LMOD1: variants seen among roughly 807,000 people sequenced by gnomAD.
The protein encoded by LMOD1 is leiomodin-1.
In LMOD1, 8 loss-of-function variants were observed where a neutral mutation model predicts 36.5. The ratio of observed to expected loss-of-function variants is 0.22; its 90% CI spans 0.13 to 0.40. The LOEUF is 0.40. Ranked by LOEUF, LMOD1 falls within the 10% of genes least tolerant of loss-of-function variation. The pLI, the probability that LMOD1 is intolerant of heterozygous loss-of-function variation, is 1.00. For synonymous variants in LMOD1, 284 were observed against 288.7 expected, an observed-to-expected ratio of 0.98 and a Z score of 0.17; for missense variants, 630 against 751.1, an observed-to-expected ratio of 0.84 and a Z score of 1.88.
At position 201,946,247 on chromosome 1, in the gene LMOD1, G is replaced by A. The variant is rs750510025; in HGVS notation, c.94C>T (p.Leu32=). ...TCCACCACGTCCAGCTCCTTCTCCA[G>A]CTCCTCCATCTCCTCGGGAGACAGG... ...ETLSPEEMEE[L]EKELDVVDPD... is the part of the protein sequence containing the mutation. The change falls in exon 1 of 3, where the codon CTG becomes TTG. Residue 32 remains leucine (L), a synonymous_variant. Transcript: ENST00000367288. 1.2e-6 allele frequency: 2 copies of A among 1,614,028 alleles called. No homozygotes were observed. Among genetic ancestry groups the A allele is most frequent in the Non-Finnish European group, 1.7e-6 (2 of 1,179,894 alleles).
At chr1:201,938,536 C>T (rs1033228513) in intron 1 of LMOD1, among the ~76,000 whole-genome samples, 1 of 152,178 alleles carries the variant, frequency 6.6e-6, no homozygotes, top group South Asian at 2.1e-4. Flanking sequence ...CCAGGTCTAG[C>T]TGGCCCCTGA....
At chr1:201,932,634 C>T (rs1340705424) in intron 1 of LMOD1, among the ~76,000 whole-genome samples, 1 of 151,942 alleles carries the variant, frequency 6.6e-6, no homozygotes, top group Non-Finnish European at 1.5e-5. Flanking sequence ...CACCTGTAGT[C>T]AGGAGGCTGA....
intron 1 of LMOD1, among the ~76,000 whole-genome samples, chr1:201,901,184 A>G (rs886418677): frequency 5.9e-5 from 9 of 152,088 alleles, no homozygotes; most frequent in African/African-American, 1.9e-4. Context: ...TTTATTGTGG[A>G]CTTTTTGCAT....
At chr1:201,929,590 A>G (rs910686963) in intron 1 of LMOD1, among the ~76,000 whole-genome samples, 1 of 152,246 alleles carries the variant, frequency 6.6e-6, no homozygotes, top group Admixed American at 6.5e-5. Flanking sequence ...TCACTGCCAA[A>G]TCTTTCTTCA....
intron 1 of LMOD1, among the ~76,000 whole-genome samples, chr1:201,924,178 G>C (rs1367460530): frequency 3.4e-5 from 5 of 148,852 alleles, no homozygotes; most frequent in African/African-American, 9.8e-5. Flanking sequence ...AAAAAAATTA[G>C]CCGGGAGCGG....
At chr1:201,926,923 C>T (rs940273856) in intron 1 of LMOD1, among the ~76,000 whole-genome samples, 1 of 152,076 alleles carries the variant, frequency 6.6e-6, no homozygotes, top group Admixed American at 6.5e-5. Flanking sequence ...CACCACTGCA[C>T]CCCAGCCTGG....
At chr1:201,900,826 G>A in intron 1 of LMOD1, 75 bp from the exon 2 acceptor site, 1 of 1,340,172 alleles carries the variant, frequency 7.5e-7, no homozygotes, top group African/African-American at 1.5e-5. Context: ...GGGATGTGTG[G>A]GGGAGCGCTT....
intron 1 of LMOD1, among the ~76,000 whole-genome samples, chr1:201,910,700 G>A (rs1198745748): frequency 6.7e-6 from 1 of 149,256 alleles, no homozygotes; most frequent in Non-Finnish European, 1.5e-5. Context: ...TACAGTTTCT[G>A]GGAGTCGGTG....
intron 1 of LMOD1, among the ~76,000 whole-genome samples, chr1:201,936,023 G>A (rs1262953006): frequency 6.8e-6 from 1 of 147,684 alleles, no homozygotes; most frequent in Non-Finnish European, 1.5e-5. Context: ...GCTGAGGCAG[G>A]AGAATCACTT....
chr1:201,942,086 C>T, intron 1 of LMOD1, among the ~76,000 whole-genome samples: 1 of 152,318 alleles, frequency 6.6e-6, no homozygotes, highest in East Asian at 1.9e-4. Flanking sequence ...TAGGGCGGAG[C>T]TACACTGGCT....
At chr1:201,898,633 G>T (rs971522517) in intron 2 of LMOD1, among the ~76,000 whole-genome samples, 1 of 152,200 alleles carries the variant, frequency 6.6e-6, no homozygotes, top group Non-Finnish European at 1.5e-5. Flanking sequence ...AGATGATGTT[G>T]TGGGGGTTGG....
intron 1 of LMOD1, among the ~76,000 whole-genome samples, chr1:201,922,920 G>A (rs889186448): frequency 6.6e-6 from 1 of 151,984 alleles, no homozygotes; most frequent in Non-Finnish European, 1.5e-5. Flanking sequence ...CGCTTCCTGG[G>A]TTCAAGTAAT....
Position 201,946,019 on chromosome 1 carries a change from A to G in LMOD1, c.261+61T>C, listed in dbSNP as rs1035380324. On this transcript the variant is annotated intron_variant, in intron 1 of 2. Coordinates refer to ENST00000367288, the MANE Select transcript of LMOD1 (RefSeq NM_012134.3). ...TAAGGAAGGAAGCATCCTAATCATG[A>G]AGCCAGGGTCTCCAGCCCTCCCCTG... is the stretch of plus-strand genomic sequence containing the variant. The G allele has an allele frequency of 7.1e-5, 109 of 1,534,282 alleles. 1 individual carries two copies. The Admixed American group carries it at 2.0e-3, about 28-fold the overall frequency.
At chr1:201,923,152 A>G (rs1257512310) in intron 1 of LMOD1, among the ~76,000 whole-genome samples, 2 of 152,000 alleles carry the variant, frequency 1.3e-5, no homozygotes, top group Non-Finnish European at 2.9e-5. Context: ...GCCCTTCCCC[A>G]GGGTCTCCCA....
rs1284484916 is a variant in LMOD1 at position 201,896,905 on chromosome 1, T to G, written c.*1467A>C. The G allele has an allele frequency of 1.7e-5, 6 of 354,712 alleles. No individual in the cohort carries two copies. The highest frequency in any genetic ancestry group is 1.2e-4 in the South Asian group (6 of 48,346). The allele number at this position is 354,712 out of a possible 1,614,324, so 22.0% of individuals were successfully genotyped here. On this transcript the variant is annotated 3_prime_UTR_variant, in exon 3 of 3. Transcript: ENST00000367288. ...CTAGCTGGGGCACCCCACCCTCACC[T>G]CAAAGATGGTGAAACTGCTGTGCCT...
intron 1 of LMOD1, among the ~76,000 whole-genome samples, chr1:201,931,376 A>C (rs1475546383): frequency 2.0e-5 from 3 of 152,152 alleles, no homozygotes; most frequent in Admixed American, 2.0e-4. Context: ...CTCTACTAAA[A>C]ATACAAAAAT....
chr1:201,905,456 T>C (rs1373000541), intron 1 of LMOD1, among the ~76,000 whole-genome samples: 4 of 152,244 alleles, frequency 2.6e-5, no homozygotes, highest in Admixed American at 6.5e-5. Context: ...TTAGAAGTCT[T>C]ATCTGATTAA....
At chr1:201,926,362 T>C (rs1294966505) in intron 1 of LMOD1, among the ~76,000 whole-genome samples, 2 of 152,140 alleles carry the variant, frequency 1.3e-5, no homozygotes, top group African/African-American at 4.8e-5. Flanking sequence ...GTGTTAACTG[T>C]TCTGTTTATC....
At chr1:201,940,831 C>A (rs541679445) in intron 1 of LMOD1, among the ~76,000 whole-genome samples, 1 of 151,816 alleles carries the variant, frequency 6.6e-6, no homozygotes, top group Non-Finnish European at 1.5e-5. Context: ...GCACCGTAAC[C>A]TCCGCCTCCC....
Sources: gnomAD v4.1 joint callset for allele counts (sites outside exome capture counted in the v4.1 genomes callset) on GRCh38, gnomAD v4.1.1 for gene constraint, MANE v1.5 for transcripts, NCBI Gene and HGNC (gene_info 2026-07-23, HGNC 2026-07-21) for gene names.